Variants in SSBP2 observed in about 807,000 individuals in gnomAD.
The protein encoded by SSBP2 is single stranded DNA binding protein 2.
A neutral mutation model predicts 61.8 loss-of-function variants in SSBP2; 17 were observed. The observed-to-expected ratio is 0.28, with a 90% confidence interval of 0.19 to 0.41. SSBP2 has a LOEUF of 0.41. SSBP2 is among the 10% of genes least tolerant of loss of function. The pLI is 1.00. For missense variants in SSBP2, 310 were observed against 458.7 expected (o/e 0.68, Z 2.96); for synonymous variants, 139 against 141.3 (o/e 0.98, Z 0.12).
At chr5:81,443,705 A>G (rs6866741) in intron 12 of SSBP2, among the ~76,000 whole-genome samples, 104,615 of 151,972 alleles carry the variant, frequency 0.69, 38,004 homozygotes, top group African/African-American at 0.91. Context: ...TGGGACTACA[A>G]GTGCATGCCA....
chr5:81,472,946 A>G (rs888666358), intron 8 of SSBP2, among the ~76,000 whole-genome samples: 5 of 152,216 alleles, frequency 3.3e-5, no homozygotes, highest in Non-Finnish European at 2.9e-5. Flanking sequence ...ATGACTAAGA[A>G]AAGGGTAACA....
chr5:81,652,392 A>C (rs372754563), intron 1 of SSBP2, among the ~76,000 whole-genome samples: 4 of 151,476 alleles, frequency 2.6e-5, no homozygotes, highest in Admixed American at 6.6e-5. Context: ...TTCTCTCTCT[A>C]TAAGTCTAAA....
intron 9 of SSBP2, among the ~76,000 whole-genome samples, chr5:81,463,681 A>G (rs964118947): frequency 6.6e-6 from 1 of 152,058 alleles, no homozygotes; most frequent in Non-Finnish European, 1.5e-5. Context: ...ACCTGGGTGC[A>G]GAAGTCTGCA....
At chr5:81,622,199 T>TG (rs1039055278) in intron 3 of SSBP2, among the ~76,000 whole-genome samples, 13 of 151,460 alleles carry the variant, frequency 8.6e-5, no homozygotes, top group African/African-American at 1.7e-4. Flanking sequence ...TGAAGCAGAC[T>TG]GGGGGGGAAA....
At chr5:81,449,732 GT>G (rs1261314622) in intron 10 of SSBP2, among the ~76,000 whole-genome samples, 2 of 151,992 alleles carry the variant, frequency 1.3e-5, no homozygotes, top group African/African-American at 2.4e-5. Context: ...ATAAATATTT[GT>G]TTTTTTGGAA....
chr5:81,745,649 C>A (rs1757310238), intron 1 of SSBP2, among the ~76,000 whole-genome samples: 1 of 152,002 alleles, frequency 6.6e-6, no homozygotes, highest in Non-Finnish European at 1.5e-5. Context: ...TAGAGAATAA[C>A]CTCATGTGTT....
chr5:81,716,998 ATTG>A (rs1755209600), intron 1 of SSBP2, among the ~76,000 whole-genome samples: 1 of 152,170 alleles, frequency 6.6e-6, no homozygotes, highest in African/African-American at 2.4e-5. Context: ...CCTTCAGTTA[ATTG>A]TTCTTTAAAT....
intron 1 of SSBP2, among the ~76,000 whole-genome samples, chr5:81,659,956 T>C (rs1230823028): frequency 6.6e-6 from 1 of 152,088 alleles, no homozygotes; most frequent in Non-Finnish European, 1.5e-5. Context: ...CTGGAAAAAT[T>C]GGCTAGCCAT....
At chr5:81,526,636 T>C (rs1455509241) in intron 4 of SSBP2, among the ~76,000 whole-genome samples, 1 of 152,034 alleles carries the variant, frequency 6.6e-6, no homozygotes, top group Non-Finnish European at 1.5e-5. Context: ...TGAGATGTTT[T>C]AGGTCTTTAT....
chr5:81,542,348 G>A (rs1279955391), intron 4 of SSBP2, among the ~76,000 whole-genome samples: 1 of 152,156 alleles, frequency 6.6e-6, no homozygotes, highest in African/African-American at 2.4e-5. Flanking sequence ...GTGGAAAGCA[G>A]TTTGGAGATT....
At chr5:81,536,149 T>C (rs1215114354) in intron 4 of SSBP2, among the ~76,000 whole-genome samples, 30 of 152,064 alleles carry the variant, frequency 2.0e-4, no homozygotes, top group Admixed American at 1.9e-3. Context: ...CTACATAATA[T>C]GTTATTGGGG....
chr5:81,596,549 G>C lies in SSBP2; in HGVS notation c.282+18924C>G, dbSNP rs1172679960. ...TTGCCAAGACAATCCTAAGCCAAAAGAACAAAGCTGGAGGCATCACGCTAC... is the reference window on the plus strand; with the variant it reads ...TTGCCAAGACAATCCTAAGCCAAAACAACAAAGCTGGAGGCATCACGCTAC... On this transcript the variant is annotated intron_variant, in intron 4 of 16. Coordinates refer to ENST00000320672, the MANE Select transcript of SSBP2 (RefSeq NM_012446.5). 9.5e-4 allele frequency among the ~76,000 whole-genome samples: 43 copies of C among 45,420 alleles called. 1 individual carries two copies. Among genetic ancestry groups the C allele is most frequent in the African/African-American group, 4.5e-3 (41 of 9,124 alleles). The allele number at this position is 45,420 out of a possible 152,430, so 29.8% of individuals were successfully genotyped here.
Position 81,710,138 on chromosome 5 carries a change from C to G in SSBP2, c.62+40843G>C, listed in dbSNP as rs186176082. The stretch of plus-strand genomic sequence containing the variant: ...AACTCAAACTGTTGATAAAACTTCA[C>G]TTGGTCCCACTGCCATGAACTGGCA... On this transcript the variant is annotated intron_variant, in intron 1 of 16. Coordinates refer to ENST00000320672, the MANE Select transcript of SSBP2 (RefSeq NM_012446.5). Among the ~76,000 whole-genome samples the G allele has an allele frequency of 6.8e-3, 1,037 of 152,148 alleles. 11 individuals are homozygous for G. Among genetic ancestry groups the G allele is most frequent in the African/African-American group, 0.023 (976 of 41,564 alleles).
intron 4 of SSBP2, among the ~76,000 whole-genome samples, chr5:81,587,763 G>GCA (rs60642395): frequency 0.019 from 2,830 of 148,898 alleles, 37 homozygotes; most frequent in Admixed American, 0.028. Flanking sequence ...ACACGCGCGC[G>GCA]CACACACACA....
At chr5:81,638,463 C>T (rs1435332147) in intron 2 of SSBP2, among the ~76,000 whole-genome samples, 2 of 151,490 alleles carry the variant, frequency 1.3e-5, no homozygotes, top group Admixed American at 1.3e-4. Context: ...GCAGAGGTTG[C>T]AGTGAGCTAA....
rs566145970 is a variant in SSBP2, at chr5:81,452,710, G to T, written c.688-3885C>A. On this transcript the variant is annotated intron_variant, in intron 10 of 16. Coordinates refer to ENST00000320672, the MANE Select transcript of SSBP2 (RefSeq NM_012446.5). The stretch of plus-strand genomic sequence containing the variant: ...GCTGCTGCTACTCATTTATACATAG[G>T]GAATTCAGGAAGTGGGGCAGGTTTG... Among the ~76,000 whole-genome samples, 92 of 152,222 alleles carry T rather than the reference G, an allele frequency of 6.0e-4. 1 individual carries two copies. The highest frequency in any genetic ancestry group is 2.2e-3 in the African/African-American group (90 of 41,524).
chr5:81,529,375 ATGTT>A, intron 4 of SSBP2, among the ~76,000 whole-genome samples: 1 of 152,246 alleles, frequency 6.6e-6, no homozygotes, highest in Admixed American at 6.5e-5. Context: ...TATTCTTTCT[ATGTT>A]TGTGAGAAAC....
chr5:81,735,692 A>G (rs1374253165), intron 1 of SSBP2, among the ~76,000 whole-genome samples: 1 of 152,194 alleles, frequency 6.6e-6, no homozygotes, highest in Middle Eastern at 3.2e-3. Flanking sequence ...CTGACTGTAT[A>G]TTTTTAAATA....
chr5:81,505,345 T>C (rs2154075714), intron 5 of SSBP2, among the ~76,000 whole-genome samples: 1 of 152,326 alleles, frequency 6.6e-6, no homozygotes, highest in African/African-American at 2.4e-5. Flanking sequence ...TAAGACAAAT[T>C]GTTCCTGAAC....
Sources: allele counts gnomAD v4.1 joint callset (sites outside exome capture counted in the v4.1 genomes callset), GRCh38; gene constraint gnomAD v4.1.1; transcripts MANE v1.5; gene names NCBI Gene and HGNC (gene_info 2026-07-23, HGNC 2026-07-21).